The following WSB1 variants were observed in gnomAD, a reference collection of about 807,000 sequenced individuals.
WSB1 encodes the protein WD repeat and SOCS box-containing protein 1.
WSB1 carries 23 observed loss-of-function variants against 50.2 expected under a neutral mutation model. The ratio of observed to expected loss-of-function variants is 0.46; its 90% CI spans 0.33 to 0.65. WSB1 has a LOEUF of 0.65. Ranked by LOEUF, WSB1 falls within the 30% of genes least tolerant of loss-of-function variation. WSB1 has a pLI of 0.02. For missense variants in WSB1, 492 were observed against 522.3 expected (o/e 0.94, Z 0.56); for synonymous variants, 179 against 172.0 (o/e 1.04, Z -0.32).
At chr17:27,295,011 G>A (rs1156842985) in intron 1 of WSB1, among the ~76,000 whole-genome samples, 4 of 152,194 alleles carry the variant, frequency 2.6e-5, no homozygotes, top group Non-Finnish European at 5.9e-5. Flanking sequence ...CTGGGTGGTT[G>A]GGTGGAGTGA....
chr17:27,307,905 A>G, intron 5 of WSB1: 1 of 1,425,468 alleles, frequency 7.0e-7, no homozygotes, highest in Non-Finnish European at 9.1e-7. Flanking sequence ...TGCAAGGTGT[A>G]CTGTACGTAC....
intron 5 of WSB1, 114 bp from the exon 6 acceptor site, chr17:27,308,986 T>A (rs2017562209): frequency 7.5e-7 from 1 of 1,333,048 alleles, no homozygotes; most frequent in African/African-American, 1.5e-5. Context: ...AAATTACTCA[T>A]AATTTATAAT....
intron 1 of WSB1, among the ~76,000 whole-genome samples, chr17:27,294,827 G>A (rs1443933997): frequency 2.0e-5 from 3 of 152,222 alleles, no homozygotes; most frequent in Non-Finnish European, 2.9e-5. Context: ...AAGCGGTAAT[G>A]AAAGGAGGGG....
intron 3 of WSB1, among the ~76,000 whole-genome samples, 181 bp from the exon 4 acceptor site, chr17:27,304,599 C>T (rs1247868509): frequency 7.4e-6 from 1 of 135,974 alleles, no homozygotes; most frequent in East Asian, 2.3e-4. Context: ...GTAGTTCCAA[C>T]TATTTCGGAG....
rs1220044082 is a variant in WSB1, at chr17:27,315,870, TC to T, written c.*3502del. The T allele has an allele frequency of 6.6e-6, 1 of 152,206 alleles. No individual in the cohort carries two copies. The highest frequency in any genetic ancestry group is 1.5e-5 in the Non-Finnish European group (1 of 68,044). 9.4% of individuals were successfully genotyped at this position (152,206 alleles called of 1,614,324 possible). On this transcript the variant is annotated 3_prime_UTR_variant, in exon 9 of 9. Coordinates refer to ENST00000262394, the MANE Select transcript of WSB1 (RefSeq NM_015626.10). ...CTGGGTTTTTTTGTTGTTGTTAAAT[TC>T]TTTTCCATCAGAAGTAAGAGCTGTT...
At chr17:27,308,137 T>C (rs774137788) in intron 5 of WSB1, 3 of 1,038,516 alleles carry the variant, frequency 2.9e-6, no homozygotes, top group Admixed American at 5.6e-5. Context: ...TCCAGAGATA[T>C]CTTACGTCTT....
In WSB1 at chr17:27,312,308, A is replaced by G; in HGVS notation, c.1205A>G (p.Gln402Arg). The G allele has an allele frequency of 1.2e-6, 2 of 1,614,166 alleles. No individual in the cohort carries two copies. Among genetic ancestry groups the G allele is most frequent in the Non-Finnish European group, 1.7e-6 (2 of 1,180,022 alleles). Residue 402 changes from glutamine to arginine, a missense_variant, in exon 9 of 9, where the codon CAA becomes CGA. Gln to Arg is a conservative substitution (Grantham distance 43, BLOSUM62 1). Transcript: ENST00000262394. ...TCAATCCGAAGAGTGATGCCCACCCAAGAAGTTCAGGAGCTGCCGATTCCT... is the reference window on the plus strand; with the variant it reads ...TCAATCCGAAGAGTGATGCCCACCCGAGAAGTTCAGGAGCTGCCGATTCCT... Reference protein sequence around the residue: ...RMSIRRVMPTQEVQELPIPSK... With the variant: ...RMSIRRVMPTREVQELPIPSK...
At chr17:27,303,117 A>G (rs2017303431) in intron 2 of WSB1, 1 of 340,190 alleles carries the variant, frequency 2.9e-6, no homozygotes, top group Admixed American at 4.5e-5. Flanking sequence ...AAAATTTGGG[A>G]GGCAAATAAG....
chr17:27,315,865 T>C lies in WSB1; in HGVS notation c.*3496T>C, dbSNP rs558725525. On this transcript the variant is annotated 3_prime_UTR_variant, in exon 9 of 9. Coordinates refer to ENST00000262394, the MANE Select transcript of WSB1 (RefSeq NM_015626.10). ...GTATACTGGGTTTTTTTGTTGTTGT[T>C]AAATTCTTTTCCATCAGAAGTAAGA... 7.0e-4 allele frequency: 106 copies of C among 152,334 alleles called. No individual in the cohort carries two copies. Among genetic ancestry groups the C allele is most frequent in the African/African-American group, 2.5e-3 (105 of 41,574 alleles). 9.4% of individuals were successfully genotyped at this position (152,334 alleles called of 1,614,324 possible). A position where few individuals can be genotyped will look rare whatever the true frequency, so the allele number is the denominator to read the frequency against.
chr17:27,296,174 A>C (rs1326224059), intron 1 of WSB1, among the ~76,000 whole-genome samples: 2 of 151,798 alleles, frequency 1.3e-5, no homozygotes, highest in South Asian at 2.1e-4. Context: ...GATGGATAGC[A>C]TACCTACATA....
chr17:27,307,795 A>G, intron 5 of WSB1: 1 of 1,533,696 alleles, frequency 6.5e-7, no homozygotes, highest in Non-Finnish European at 8.7e-7. Context: ...CCACTCGCAC[A>G]CAGGCGCACA....
Position 27,315,253 on chromosome 17 carries a change from A to G in WSB1, c.*2884A>G, listed in dbSNP as rs1398903649. Reference sequence around the variant, plus strand: ...TCTCCTATTTTGCCACAAGCCTGTCATTTGGAGAACTGGCAGATCATTTAT... The same window carrying G: ...TCTCCTATTTTGCCACAAGCCTGTCGTTTGGAGAACTGGCAGATCATTTAT... On this transcript the variant is annotated 3_prime_UTR_variant, in exon 9 of 9. Transcript: ENST00000262394. The G allele has an allele frequency of 1.3e-5, 2 of 152,204 alleles. No individual in the cohort carries two copies. Among genetic ancestry groups the G allele is most frequent in the African/African-American group, 4.8e-5 (2 of 41,442 alleles). The allele number at this position is 152,204 out of a possible 1,614,324, so 9.4% of individuals were successfully genotyped here.
chr17:27,308,868 AT>A, intron 5 of WSB1: 1 of 1,140,986 alleles, frequency 8.8e-7, no homozygotes, highest in Non-Finnish European at 1.1e-6. Flanking sequence ...GTTTAGGCTT[AT>A]TTTTAAATTA....
intron 1 of WSB1, among the ~76,000 whole-genome samples, chr17:27,298,021 G>A (rs558193346): frequency 1.4e-3 from 211 of 151,638 alleles, no homozygotes; most frequent in Non-Finnish European, 2.4e-3. Context: ...CTACTCGGGA[G>A]GCTGAGGCAG....
intron 4 of WSB1, among the ~76,000 whole-genome samples, chr17:27,306,204 T>C (rs1040309948): frequency 1.0e-5 from 1 of 97,984 alleles, no homozygotes; most frequent in African/African-American, 7.8e-5. Context: ...AATTCTGTCT[T>C]TTTTTTTTTT....
At chr17:27,309,546 A>C (rs1378203490) in intron 6 of WSB1, among the ~76,000 whole-genome samples, 1 of 152,160 alleles carries the variant, frequency 6.6e-6, no homozygotes, top group Non-Finnish European at 1.5e-5. Context: ...AAAACAGTTA[A>C]AACCAAAGTT....
intron 5 of WSB1, chr17:27,307,830 T>A (rs561311608): frequency 5.3e-6 from 8 of 1,511,056 alleles, no homozygotes; most frequent in Admixed American, 2.2e-5. Flanking sequence ...GCAGAAAGAG[T>A]GGCATCTCTG....
chr17:27,305,056 C>T, intron 4 of WSB1, 145 bp downstream of exon 4: 1 of 965,114 alleles, frequency 1.0e-6, no homozygotes, highest in East Asian at 2.5e-5. Flanking sequence ...GGTTCCTTTC[C>T]TGAATAGATC....
At chr17:27,294,551 G>T in intron 1 of WSB1, 116 bp downstream of exon 1, 9 of 1,445,080 alleles carry the variant, frequency 6.2e-6, no homozygotes, top group Non-Finnish European at 8.5e-6. Context: ...GTGCGCCAGG[G>T]CCAGCCCACT....
Sources: allele counts gnomAD v4.1 joint callset (sites outside exome capture counted in the v4.1 genomes callset), GRCh38; gene constraint gnomAD v4.1.1; transcripts MANE v1.5; gene names NCBI Gene and HGNC (gene_info 2026-07-23, HGNC 2026-07-21).